CPNE4: variants seen among roughly 807,000 people sequenced by gnomAD.
CPNE4 encodes the protein copine-4.
CPNE4 carries 25 observed loss-of-function variants against 67.9 expected under a neutral mutation model. The observed-to-expected ratio is 0.37, with a 90% CI of 0.27 to 0.51. The LOEUF (loss-of-function observed/expected upper bound fraction) is 0.51. Among genes scored for constraint, CPNE4 ranks in the 20% least tolerant of loss-of-function variants. The probability of loss-of-function intolerance (pLI) is 0.93; values close to 1 mark genes in which losing one functional copy is unlikely to be tolerated. For missense variants in CPNE4, 464 were observed against 690.8 expected (o/e 0.67, Z 3.68); for synonymous variants, 242 against 244.9 (o/e 0.99, Z 0.11).
chr3:131,994,720 A>G (rs1179549886), intron 1 of CPNE4, among the ~76,000 whole-genome samples: 1 of 152,224 alleles, frequency 6.6e-6, no homozygotes, highest in Admixed American at 6.5e-5. Context: ...CTCCTCCCAA[A>G]GGACGTAAAC....
chr3:131,627,839 A>C lies in CPNE4; in HGVS notation c.682-40257T>G, dbSNP rs374917355. On this transcript the variant is annotated intron_variant, in intron 7 of 15. Coordinates refer to ENST00000429747, the MANE Select transcript of CPNE4 (RefSeq NM_130808.3). ...ATTGAATTGCTGCAATTTCATAATA[A>C]AACTAATGGATGAGGAGTTGTTTCT... Among the ~76,000 whole-genome samples, 21 of 152,346 alleles carry C rather than the reference A, an allele frequency of 1.4e-4. No homozygotes were observed. In the East Asian group the frequency reaches 3.7e-3, roughly 27 times the overall value.
chr3:131,782,160 C>T (rs1304548448), intron 2 of CPNE4, among the ~76,000 whole-genome samples: 1 of 152,022 alleles, frequency 6.6e-6, no homozygotes, highest in African/African-American at 2.4e-5. Flanking sequence ...TAAGGACTTC[C>T]AACCAAGGAG....
chr3:131,751,764 GT>G (rs61336816), intron 2 of CPNE4, among the ~76,000 whole-genome samples: 14 of 145,152 alleles, frequency 9.6e-5, no homozygotes, highest in East Asian at 4.0e-4. Context: ...CTGTTTAGCT[GT>G]TTTTTTTTTG....
rs776045497 is a variant in CPNE4, at chr3:131,905,245, T to C, written c.180+19A>G. 12 of 1,597,972 alleles carry C rather than the reference T, an allele frequency of 7.5e-6. No homozygotes were observed. The East Asian group carries it at 2.7e-4, about 36-fold the overall frequency. ...AATCATCCAGCCATGGTTCTGTCCA[T>C]TTCATTGGACATGCCTACCTCAAAC... On this transcript the variant is annotated intron_variant, in intron 2 of 15. Coordinates refer to ENST00000429747, the MANE Select transcript of CPNE4 (RefSeq NM_130808.3).
At chr3:131,986,378 A>G (rs538327999) in intron 1 of CPNE4, among the ~76,000 whole-genome samples, 1 of 152,342 alleles carries the variant, frequency 6.6e-6, no homozygotes, top group Non-Finnish European at 1.5e-5. Flanking sequence ...CTCACAAGCC[A>G]GTATGGGTCA....
chr3:131,704,038 C>G (rs1351144535), intron 3 of CPNE4, among the ~76,000 whole-genome samples: 1 of 152,204 alleles, frequency 6.6e-6, no homozygotes, highest in East Asian at 1.9e-4. Flanking sequence ...TCCCATGAAA[C>G]AAGCATTCCT....
chr3:131,658,269 T>G (rs2080029596), intron 7 of CPNE4, among the ~76,000 whole-genome samples: 1 of 152,176 alleles, frequency 6.6e-6, no homozygotes, highest in South Asian at 2.1e-4. Context: ...AGCTGGAGAC[T>G]AGACCCAGTG....
intron 1 of CPNE4, among the ~76,000 whole-genome samples, chr3:131,958,400 C>T (rs776056634): frequency 6.9e-6 from 1 of 144,506 alleles, no homozygotes; most frequent in Non-Finnish European, 1.5e-5. Flanking sequence ...TTCCCAGGTG[C>T]CCATCCCAGA....
At chr3:131,981,452 G>A (rs532500165) in intron 1 of CPNE4, among the ~76,000 whole-genome samples, 2 of 152,126 alleles carry the variant, frequency 1.3e-5, no homozygotes, top group Non-Finnish European at 2.9e-5. Context: ...TCTGAGTCAC[G>A]CAGGTTGTCA....
intron 1 of CPNE4, among the ~76,000 whole-genome samples, chr3:131,996,873 C>T (rs1043914040): frequency 6.6e-6 from 1 of 152,058 alleles, no homozygotes; most frequent in African/African-American, 2.4e-5. Flanking sequence ...AAAGTTTGCA[C>T]CAGCATTTTT....
chr3:131,713,666 A>G (rs2081613561), intron 3 of CPNE4, among the ~76,000 whole-genome samples: 1 of 152,206 alleles, frequency 6.6e-6, no homozygotes. Flanking sequence ...ATCAAGACAT[A>G]GGACTCATGA....
At chr3:131,591,825 C>T (rs755029123) in intron 7 of CPNE4, among the ~76,000 whole-genome samples, 9 of 152,124 alleles carry the variant, frequency 5.9e-5, no homozygotes, top group East Asian at 1.9e-4. Context: ...GACAGAGGAA[C>T]GCATCTTGGT....
In CPNE4 at chr3:131,682,543, G is replaced by A. The variant is rs1369724867; in HGVS notation, c.591+3332C>T. 1.3e-5 allele frequency among the ~76,000 whole-genome samples: 2 copies of A among 152,194 alleles called. 1 individual carries two copies. The highest frequency in any genetic ancestry group is 2.9e-5 in the Non-Finnish European group (2 of 68,048). ...TGGAGTTAAAGGTGGGGTGACACGAGCACCACTGTGGCTGCCACCACTGGA... is the reference window on the plus strand; with the variant it reads ...TGGAGTTAAAGGTGGGGTGACACGAACACCACTGTGGCTGCCACCACTGGA... On this transcript the variant is annotated intron_variant, in intron 6 of 15. Transcript: ENST00000429747.
intron 3 of CPNE4, among the ~76,000 whole-genome samples, chr3:131,717,977 GTCTCTCTC>G (rs376739428): frequency 8.5e-6 from 1 of 117,004 alleles, no homozygotes; most frequent in Non-Finnish European, 1.8e-5. Flanking sequence ...CTCTCTCTCT[GTCTCTCTC>G]TCTCTCTCTG....
intron 2 of CPNE4, among the ~76,000 whole-genome samples, chr3:131,863,997 T>C (rs548621553): frequency 2.0e-5 from 3 of 152,306 alleles, no homozygotes; most frequent in East Asian, 1.9e-4. Context: ...GTCAGGTTTG[T>C]CAAAGATCAG....
chr3:131,998,445 G>A (rs566695091), intron 1 of CPNE4, among the ~76,000 whole-genome samples: 22 of 152,222 alleles, frequency 1.4e-4, no homozygotes, highest in African/African-American at 4.1e-4. Context: ...GCTTAAAAAT[G>A]TTTTCCAGTT....
intron 3 of CPNE4, among the ~76,000 whole-genome samples, chr3:131,720,012 CAGAT>C (rs2081838901): frequency 6.6e-6 from 1 of 152,132 alleles, no homozygotes; most frequent in Non-Finnish European, 1.5e-5. Flanking sequence ...TCTACATAGA[CAGAT>C]GGTATAAAAT....
chr3:131,710,868 A>G (rs1292684553), intron 3 of CPNE4, among the ~76,000 whole-genome samples: 1 of 152,172 alleles, frequency 6.6e-6, no homozygotes, highest in Non-Finnish European at 1.5e-5. Flanking sequence ...AGGGAAAAGT[A>G]GCTTAGCACT....
At chr3:131,845,368 G>A (rs2085956794) in intron 2 of CPNE4, among the ~76,000 whole-genome samples, 1 of 152,158 alleles carries the variant, frequency 6.6e-6, no homozygotes, top group Admixed American at 6.5e-5. Context: ...TGTTTTACCT[G>A]AGGTTACATC....
Sources: gnomAD v4.1 joint callset for allele counts (sites outside exome capture counted in the v4.1 genomes callset) on GRCh38, gnomAD v4.1.1 for gene constraint, MANE v1.5 for transcripts, NCBI Gene and HGNC (gene_info 2026-07-23, HGNC 2026-07-21) for gene names.